Variants in PPM1D observed in about 807,000 individuals in gnomAD.
PPM1D encodes protein phosphatase, Mg2+/Mn2+ dependent 1D.
In PPM1D, 52 loss-of-function variants were observed where a neutral mutation model predicts 58.3. The observed-to-expected ratio is 0.89, with a 90% confidence interval of 0.71 to 1.12. The LOEUF (loss-of-function observed/expected upper bound fraction) is 1.12. Among genes scored for constraint, PPM1D ranks in the 50% most tolerant of loss-of-function variants. PPM1D has a pLI of 0.00. For missense variants in PPM1D, 564 were observed against 777.2 expected (o/e 0.73, Z 3.26); for synonymous variants, 278 against 285.1 (o/e 0.98, Z 0.25).
intron 3 of PPM1D, among the ~76,000 whole-genome samples, chr17:60,647,047 T>C (rs1023046320): frequency 1.3e-5 from 2 of 152,252 alleles, no homozygotes; most frequent in African/African-American, 4.8e-5. Context: ...TAAGTTCTCA[T>C]CTTGTCCTTT....
At chr17:60,613,755 C>T (rs907926309) in intron 1 of PPM1D, among the ~76,000 whole-genome samples, 9 of 152,236 alleles carry the variant, frequency 5.9e-5, no homozygotes, top group African/African-American at 1.2e-4. Context: ...GCTTAGCACC[C>T]GGGCCACTAG....
At chr17:60,602,266 CG>C (rs1453612882) in intron 1 of PPM1D, among the ~76,000 whole-genome samples, 2 of 152,048 alleles carry the variant, frequency 1.3e-5, no homozygotes, top group African/African-American at 2.4e-5. Flanking sequence ...TGCAGGGCAA[CG>C]AGAAGTCGAC....
At chr17:60,623,421 G>A in intron 1 of PPM1D, 100 bp from the exon 2 acceptor site, 2 of 1,149,462 alleles carry the variant, frequency 1.7e-6, no homozygotes, top group East Asian at 2.4e-5. Context: ...GTGCTAATTC[G>A]AATGTTAACA....
chr17:60,614,642 T>C (rs1415089694), intron 1 of PPM1D, among the ~76,000 whole-genome samples: 1 of 152,110 alleles, frequency 6.6e-6, no homozygotes, highest in Non-Finnish European at 1.5e-5. Flanking sequence ...TTGCTGCTGC[T>C]CACTGGGTCC....
chr17:60,655,774 T>A (rs922549691), intron 4 of PPM1D, among the ~76,000 whole-genome samples: 2 of 151,804 alleles, frequency 1.3e-5, no homozygotes, highest in Non-Finnish European at 2.9e-5. Context: ...TGATCTTGGC[T>A]CACTGCAACC....
chr17:60,617,660 GAA>G (rs1287701996), intron 1 of PPM1D, among the ~76,000 whole-genome samples: 1 of 152,150 alleles, frequency 6.6e-6, no homozygotes, highest in Non-Finnish European at 1.5e-5. Flanking sequence ...GAGCTTCCAT[GAA>G]ATAACTTCTG....
chr17:60,600,840 C>T lies in PPM1D; in HGVS notation c.426C>T (p.Ile142=). Residue 142 remains isoleucine, a synonymous_variant, in exon 1 of 6, where the codon ATC becomes ATT. Transcript: ENST00000305921. ...SSEPAKVCAA[I]RKGFLACHLA... is the part of the protein sequence containing the mutation. The stretch of plus-strand genomic sequence containing the variant: ...AGCCGGCTAAGGTTTGCGCTGCCAT[C>T]CGCAAAGGCTTTCTCGCTTGTCACC... The T allele has an allele frequency of 8.7e-6, 14 of 1,613,094 alleles. No individual in the cohort carries two copies. The highest frequency in any genetic ancestry group is 1.2e-5 in the Non-Finnish European group (14 of 1,180,030).
chr17:60,656,452 CAA>C (rs375982628), intron 4 of PPM1D, 145 bp from the exon 5 acceptor site: 4,680 of 788,854 alleles, frequency 5.9e-3, no homozygotes, highest in East Asian at 7.5e-3. Context: ...GACTCTGTCT[CAA>C]AAAAAAAAAA....
At chr17:60,631,917 G>A (rs1183909819) in intron 2 of PPM1D, among the ~76,000 whole-genome samples, 3 of 151,972 alleles carry the variant, frequency 2.0e-5, no homozygotes, top group African/African-American at 4.8e-5. Context: ...GGTGGCTCAC[G>A]CCTGTAATCC....
chr17:60,608,648 C>G (rs781669962), intron 1 of PPM1D, among the ~76,000 whole-genome samples: 1 of 152,130 alleles, frequency 6.6e-6, no homozygotes, highest in African/African-American at 2.4e-5. Context: ...AGCCCCTTCT[C>G]TCTGTGTCAT....
At position 60,600,262 on chromosome 17, in the gene PPM1D, G is replaced by A; in HGVS notation, c.-153G>A. 1.4e-6 allele frequency: 2 copies of A among 1,396,496 alleles called. No homozygotes were observed. Among genetic ancestry groups the A allele is most frequent in the Non-Finnish European group, 1.9e-6 (2 of 1,064,170 alleles). 86.5% of individuals were successfully genotyped at this position (1,396,496 alleles called of 1,614,324 possible). A position where few individuals can be genotyped will look rare whatever the true frequency, so the allele number is the denominator to read the frequency against. ...GGCCCAGCTCTCGCGGACAAGTCCA[G>A]ACATCGCGCGCCCCCCCTTCTCCGG... is the stretch of plus-strand genomic sequence containing the variant. On this transcript the variant is annotated 5_prime_UTR_variant, in exon 1 of 6. Transcript: ENST00000305921.
rs372799610 is a variant in PPM1D, at chr17:60,623,511, C to T, written c.473-10C>T. On this transcript the variant is annotated splice_polypyrimidine_tract_variant and intron_variant, in intron 1 of 5. Transcript: ENST00000305921. The stretch of plus-strand genomic sequence containing the variant: ...CTTGCAAGAGTGAAATATTTTATTT[C>T]TTATTACAGCGGAATGGCCAAAGAC... 12 of 1,597,272 alleles carry T rather than the reference C, an allele frequency of 7.5e-6. No homozygotes were observed. The highest frequency in any genetic ancestry group is 1.0e-5 in the Non-Finnish European group (12 of 1,168,782).
At chr17:60,645,309 G>A (rs141608995) in intron 3 of PPM1D, among the ~76,000 whole-genome samples, 1,519 of 151,864 alleles carry the variant, frequency 0.01, 16 homozygotes, top group African/African-American at 0.032. Flanking sequence ...AGCCAAGATC[G>A]TGCCATTGCA....
intron 3 of PPM1D, among the ~76,000 whole-genome samples, chr17:60,644,032 G>T (rs909907690): frequency 6.6e-6 from 1 of 151,612 alleles, no homozygotes; most frequent in Non-Finnish European, 1.5e-5. Flanking sequence ...TTACAGGCGC[G>T]TGCCACCCAG....
In PPM1D at chr17:60,600,227, C is replaced by G. The variant is rs2030168341; in HGVS notation, c.-188C>G. Reference sequence around the variant, plus strand: ...GCGCAACTGCCTGGCTCTGCTCGCTCCGGCGCTCCGGCCCAGCTCTCGCGG... The same window carrying G: ...GCGCAACTGCCTGGCTCTGCTCGCTGCGGCGCTCCGGCCCAGCTCTCGCGG... On this transcript the variant is annotated 5_prime_UTR_variant, in exon 1 of 6. Transcript: ENST00000305921. The G allele has an allele frequency of 1.3e-5, 16 of 1,205,670 alleles. No homozygotes were observed. In the South Asian group the frequency reaches 2.2e-4, roughly 17 times the overall value. The allele number at this position is 1,205,670 out of a possible 1,614,324, so 74.7% of individuals were successfully genotyped here.
chr17:60,647,886 C>T lies in PPM1D; in HGVS notation c.827-6C>T. ...ACTTCTTGCTTTTTCTGCTCCCTTC[C>T]CCCAGGTGATTTGTGGAGCTATGAT... On this transcript the variant is annotated splice_polypyrimidine_tract_variant and splice_region_variant and intron_variant, in intron 3 of 5. Transcript: ENST00000305921. 6.2e-7 allele frequency: 1 copy of T among 1,607,462 alleles called. No homozygotes were observed. Among genetic ancestry groups the T allele is most frequent in the East Asian group, 2.2e-5 (1 of 44,808 alleles).
chr17:60,628,224 T>C (rs145180870), intron 2 of PPM1D, among the ~76,000 whole-genome samples: 139 of 152,284 alleles, frequency 9.1e-4, no homozygotes, highest in African/African-American at 3.2e-3. Flanking sequence ...TACTTTTAGA[T>C]TCACAGCAAA....
rs1028523493 is a variant in PPM1D, at chr17:60,664,556, C to G, written c.*1004C>G. On this transcript the variant is annotated 3_prime_UTR_variant, in exon 6 of 6. Coordinates refer to ENST00000305921, the MANE Select transcript of PPM1D (RefSeq NM_003620.4). ...TATCCCTTATCCAAAATGCTTGGGA[C>G]CAGAAGTGTTTCAGATTTTTTAAAA... 2.6e-5 allele frequency: 4 copies of G among 152,302 alleles called. No homozygotes were observed. The highest frequency in any genetic ancestry group is 7.2e-5 in the African/African-American group (3 of 41,406). The allele number at this position is 152,302 out of a possible 1,614,324, so 9.4% of individuals were successfully genotyped here.
chr17:60,663,504 T>G lies in PPM1D; in HGVS notation c.1770T>G (p.Ile590Met). The G allele has an allele frequency of 1.9e-6, 3 of 1,612,786 alleles. No homozygotes were observed. Among genetic ancestry groups the G allele is most frequent in the Non-Finnish European group, 1.7e-6 (2 of 1,180,020 alleles). Residue 590 changes from isoleucine to methionine, a missense_variant, in exon 6 of 6, where the codon ATT becomes ATG. Ile to Met is a conservative substitution (Grantham distance 10, BLOSUM62 1). Transcript: ENST00000305921. Reference sequence around the variant, plus strand: ...GCAGACTTAGGGGCCAGAAGAAAATTGGAAATCCTTTACTTCATCAACACA... The same window carrying G: ...GCAGACTTAGGGGCCAGAAGAAAATGGGAAATCCTTTACTTCATCAACACA... The part of the protein sequence containing the change: ...MRRRLRGQKK[I>M]GNPLLHQHRK...
Sources: allele counts gnomAD v4.1 joint callset (sites outside exome capture counted in the v4.1 genomes callset), GRCh38; gene constraint gnomAD v4.1.1; transcripts MANE v1.5; gene names NCBI Gene and HGNC (gene_info 2026-07-23, HGNC 2026-07-21).